The following AGBL4 variants were observed in gnomAD, a reference collection of about 807,000 sequenced individuals.
The protein encoded by AGBL4 is AGBL carboxypeptidase 4.
Under a neutral mutation model 66.4 loss-of-function variants are expected in AGBL4, and 58 were observed. The observed-to-expected ratio is 0.87, with a 90% confidence interval of 0.71 to 1.09. The LOEUF is 1.09. AGBL4 is among the 50% of genes least tolerant of loss of function. The pLI is 0.00. For synonymous variants in AGBL4, 234 were observed against 222.9 expected (o/e 1.05, Z -0.44); for missense variants, 579 against 631.0 (o/e 0.92, Z 0.88).
chr1:49,590,340 C>T (rs1644728276), intron 3 of AGBL4, among the ~76,000 whole-genome samples: 1 of 148,424 alleles, frequency 6.7e-6, no homozygotes, highest in Non-Finnish European at 1.5e-5. Context: ...AAAGATAAAA[C>T]AGAAAATTAC....
intron 5 of AGBL4, among the ~76,000 whole-genome samples, chr1:49,012,387 T>G (rs1422168151): frequency 3.9e-5 from 6 of 151,942 alleles, no homozygotes; most frequent in Non-Finnish European, 1.5e-5. Context: ...TATGAGCAGG[T>G]GGTTGGGGAG....
At chr1:49,102,620 C>T (rs1301721199) in intron 4 of AGBL4, among the ~76,000 whole-genome samples, 1 of 152,096 alleles carries the variant, frequency 6.6e-6, no homozygotes, top group Non-Finnish European at 1.5e-5. Flanking sequence ...GTTATTGACA[C>T]ATAATAGGAT....
chr1:49,081,724 T>C (rs2147957750), intron 4 of AGBL4, among the ~76,000 whole-genome samples: 1 of 152,302 alleles, frequency 6.6e-6, no homozygotes, highest in East Asian at 1.9e-4. Flanking sequence ...ATCCCCCAAA[T>C]GTGTTTTTCC....
intron 1 of AGBL4, among the ~76,000 whole-genome samples, chr1:49,891,791 C>G (rs1245404446): frequency 6.6e-6 from 1 of 152,160 alleles, no homozygotes; most frequent in Admixed American, 6.6e-5. Flanking sequence ...TCTCCTCCAT[C>G]CAGTAATACT....
intron 1 of AGBL4, among the ~76,000 whole-genome samples, chr1:49,931,332 C>CTA (rs1653333808): frequency 6.6e-6 from 1 of 152,058 alleles, no homozygotes; most frequent in South Asian, 2.1e-4. Context: ...TTTCACAGTG[C>CTA]TATAAAGATA....
intron 3 of AGBL4, among the ~76,000 whole-genome samples, chr1:49,294,206 T>G (rs897810974): frequency 6.6e-6 from 1 of 152,222 alleles, no homozygotes; most frequent in African/African-American, 2.4e-5. Context: ...ATTAATGGTA[T>G]GTAACTCCCA....
At chr1:49,334,517 A>T (rs17105633) in intron 3 of AGBL4, among the ~76,000 whole-genome samples, 1,608 of 152,316 alleles carry the variant, frequency 0.011, 28 homozygotes, top group African/African-American at 0.037. Context: ...TAAGAACTAC[A>T]TAGACTGTCC....
chr1:49,682,408 A>G (rs1646712949), intron 3 of AGBL4, among the ~76,000 whole-genome samples: 2 of 152,172 alleles, frequency 1.3e-5, no homozygotes, highest in African/African-American at 4.8e-5. Flanking sequence ...GTCCCCCCAG[A>G]AAAAATATAC....
intron 5 of AGBL4, among the ~76,000 whole-genome samples, chr1:48,954,621 G>T (rs1045049573): frequency 6.6e-6 from 1 of 152,200 alleles, no homozygotes; most frequent in African/African-American, 2.4e-5. Context: ...TATGGATTTT[G>T]TTTCTAAGCC....
At chr1:48,555,426 T>G (rs1407146130) in intron 11 of AGBL4, among the ~76,000 whole-genome samples, 1 of 152,160 alleles carries the variant, frequency 6.6e-6, no homozygotes, top group Non-Finnish European at 1.5e-5. Context: ...TTGAATGGCA[T>G]GAAACAGCAT....
intron 3 of AGBL4, among the ~76,000 whole-genome samples, chr1:49,487,093 G>C (rs1647083888): frequency 6.6e-6 from 1 of 151,888 alleles, no homozygotes; most frequent in African/African-American, 2.4e-5. Context: ...AAGCTGGTGT[G>C]GGGTGGGGAA....
intron 11 of AGBL4, among the ~76,000 whole-genome samples, chr1:48,579,432 C>T (rs902636959): frequency 4.0e-5 from 6 of 151,038 alleles, no homozygotes; most frequent in East Asian, 2.0e-4. Flanking sequence ...GTACAGATGG[C>T]GTTTCACCAT....
At chr1:48,787,107 G>C (rs568864297) in intron 6 of AGBL4, among the ~76,000 whole-genome samples, 1 of 152,220 alleles carries the variant, frequency 6.6e-6, no homozygotes, top group East Asian at 1.9e-4. Flanking sequence ...AGGTCACACA[G>C]GAGTAAATGG....
chr1:49,283,194 C>G (rs1238712948), intron 3 of AGBL4, among the ~76,000 whole-genome samples: 1 of 152,180 alleles, frequency 6.6e-6, no homozygotes, highest in African/African-American at 2.4e-5. Context: ...AGACTGCCTC[C>G]TCAAGTGGGT....
intron 3 of AGBL4, among the ~76,000 whole-genome samples, chr1:49,535,572 C>A (rs1203917584): frequency 6.6e-6 from 1 of 151,796 alleles, no homozygotes; most frequent in African/African-American, 2.4e-5. Context: ...GAAAAGTGAG[C>A]AAACTGAGTA....
intron 4 of AGBL4, among the ~76,000 whole-genome samples, chr1:49,136,724 T>C (rs868795312): frequency 6.6e-6 from 1 of 152,168 alleles, no homozygotes; most frequent in Admixed American, 6.6e-5. Flanking sequence ...GTGAAATTAA[T>C]CATTTTGTTT....
chr1:48,638,715 C>A (rs545255037), intron 8 of AGBL4, among the ~76,000 whole-genome samples: 1 of 152,326 alleles, frequency 6.6e-6, no homozygotes, highest in Non-Finnish European at 1.5e-5. Context: ...CTCCACTGGA[C>A]CATGAATTCC....
At chr1:49,273,434 T>C (rs1295538343) in intron 3 of AGBL4, among the ~76,000 whole-genome samples, 1 of 150,976 alleles carries the variant, frequency 6.6e-6, no homozygotes, top group Non-Finnish European at 1.5e-5. Flanking sequence ...TTATAAATTT[T>C]TATGTTACTT....
At chr1:49,210,480 C>A (rs928438580) in intron 4 of AGBL4, among the ~76,000 whole-genome samples, 2 of 152,054 alleles carry the variant, frequency 1.3e-5, no homozygotes, top group Non-Finnish European at 2.9e-5. Context: ...CAAACAATAG[C>A]AGCACAATAT....
Sources: allele counts gnomAD v4.1 joint callset (sites outside exome capture counted in the v4.1 genomes callset), GRCh38; gene constraint gnomAD v4.1.1; transcripts MANE v1.5; gene names NCBI Gene and HGNC (gene_info 2026-07-23, HGNC 2026-07-21).